The following NRXN1 variants were observed in gnomAD, a reference collection of about 807,000 sequenced individuals.
NRXN1 encodes the protein neurexin-1.
In NRXN1, 39 loss-of-function variants were observed where a neutral mutation model predicts 150.9. The ratio of observed to expected loss-of-function variants is 0.26; its 90% CI spans 0.20 to 0.34. NRXN1 has a LOEUF of 0.34. Ranked by LOEUF, NRXN1 falls within the 10% of genes least tolerant of loss-of-function variation. The probability of loss-of-function intolerance (pLI) is 1.00; values close to 1 mark genes in which losing one functional copy is unlikely to be tolerated. For missense variants in NRXN1, 1,815 were observed against 1,949.9 expected (o/e 0.93, Z 1.30); for synonymous variants, 924 against 757.0 (o/e 1.22, Z -3.62).
chr2:50,629,687 A>T (rs1404892526), intron 5 of NRXN1, among the ~76,000 whole-genome samples: 1 of 151,690 alleles, frequency 6.6e-6, no homozygotes, highest in Non-Finnish European at 1.5e-5. Context: ...TTTCTTCCTG[A>T]TTAATAAGAT....
At chr2:50,717,180 T>C (rs886894725) in intron 5 of NRXN1, among the ~76,000 whole-genome samples, 5 of 152,208 alleles carry the variant, frequency 3.3e-5, no homozygotes, top group African/African-American at 1.2e-4. Flanking sequence ...GCAATACATA[T>C]ATGTTACTTC....
rs1431822191 is a variant in NRXN1, at chr2:50,716,075, C to G, written c.833-92460G>C. 3.3e-5 allele frequency among the ~76,000 whole-genome samples: 5 copies of G among 152,200 alleles called. No homozygotes were observed. In the East Asian group the frequency reaches 9.7e-4, roughly 29 times the overall value. ...AAGCAGTAGTAAATGTGTGTGATGA[C>G]TGATATAAATGAAGTAAATGAAAAT... On this transcript the variant is annotated intron_variant, in intron 5 of 22. Transcript: ENST00000401669.
intron 17 of NRXN1, among the ~76,000 whole-genome samples, chr2:50,245,753 A>T (rs994883621): frequency 8.2e-5 from 12 of 146,348 alleles, no homozygotes; most frequent in Middle Eastern, 3.5e-3. Flanking sequence ...TGTCCAGTTT[A>T]AAAAAAAAAA....
At chr2:50,832,781 G>T (rs1251104905) in intron 5 of NRXN1, among the ~76,000 whole-genome samples, 1 of 151,976 alleles carries the variant, frequency 6.6e-6, no homozygotes, top group Non-Finnish European at 1.5e-5. Flanking sequence ...TTTTCCTCAG[G>T]GTATTAAAAA....
At position 50,394,192 on chromosome 2, in the gene NRXN1, C is replaced by A. The variant is rs75734987; in HGVS notation, c.3364+71250G>T. Among the ~76,000 whole-genome samples the A allele has an allele frequency of 7.4e-3, 1,125 of 152,088 alleles. 39 individuals are homozygous for A. In the East Asian group the frequency reaches 0.11, roughly 15 times the overall value. On this transcript the variant is annotated intron_variant, in intron 17 of 22. Coordinates refer to ENST00000401669, the MANE Select transcript of NRXN1 (RefSeq NM_001330078.2). ...CCCTTTCTGGGTAATTTCATCTTGT[C>A]CTGCGACTACAATCTATCTATATGT...
chr2:50,054,592 C>T (rs1176519340), intron 20 of NRXN1, among the ~76,000 whole-genome samples: 2 of 152,028 alleles, frequency 1.3e-5, no homozygotes, highest in Non-Finnish European at 2.9e-5. Context: ...ATCAGAACTA[C>T]ATATATTTTA....
At chr2:50,233,349 AC>A in intron 18 of NRXN1, among the ~76,000 whole-genome samples, 1 of 152,114 alleles carries the variant, frequency 6.6e-6, no homozygotes, top group South Asian at 2.1e-4. Flanking sequence ...TGACTCAAAA[AC>A]CATTTTATTC....
At position 50,115,795 on chromosome 2, in the gene NRXN1, C is replaced by G. The variant is rs139751922; in HGVS notation, c.3547-24301G>C. Among the ~76,000 whole-genome samples the G allele has an allele frequency of 2.8e-3, 424 of 152,144 alleles. 3 individuals carry two copies. Among genetic ancestry groups the G allele is most frequent in the African/African-American group, 9.7e-3 (402 of 41,538 alleles). Reference sequence around the variant, plus strand: ...TTAATATTTCTTCAACACTACTAGTCTATCTCCAATGTGAACAGAGGCAAC... The same window carrying G: ...TTAATATTTCTTCAACACTACTAGTGTATCTCCAATGTGAACAGAGGCAAC... On this transcript the variant is annotated intron_variant, in intron 18 of 22. Coordinates refer to ENST00000401669, the MANE Select transcript of NRXN1 (RefSeq NM_001330078.2).
intron 8 of NRXN1, among the ~76,000 whole-genome samples, chr2:50,571,841 G>T (rs1220123105): frequency 6.6e-6 from 1 of 152,044 alleles, no homozygotes; most frequent in Non-Finnish European, 1.5e-5. Context: ...AACAAAAAGA[G>T]GCAGCTGGGG....
chr2:50,437,580 TGAG>T (rs985985249), intron 17 of NRXN1, among the ~76,000 whole-genome samples: 1 of 152,046 alleles, frequency 6.6e-6, no homozygotes, highest in African/African-American at 2.4e-5. Flanking sequence ...TATCATGTGT[TGAG>T]GGGGTGAGGC....
intron 17 of NRXN1, among the ~76,000 whole-genome samples, chr2:50,414,564 A>G (rs879646933): frequency 2.0e-5 from 3 of 151,970 alleles, no homozygotes; most frequent in Non-Finnish European, 4.4e-5. Flanking sequence ...ATCTTTGAGT[A>G]TTGTCTATCT....
chr2:50,378,603 A>C (rs2080703566), intron 17 of NRXN1, among the ~76,000 whole-genome samples: 1 of 152,116 alleles, frequency 6.6e-6, no homozygotes, highest in African/African-American at 2.4e-5. Context: ...AAAGTTGAAA[A>C]ATCCTAAGTT....
chr2:50,814,335 T>C (rs1668632799), intron 5 of NRXN1, among the ~76,000 whole-genome samples: 1 of 152,114 alleles, frequency 6.6e-6, no homozygotes, highest in African/African-American at 2.4e-5. Context: ...TTATAAAATG[T>C]GGTTCACAAC....
intron 9 of NRXN1, among the ~76,000 whole-genome samples, chr2:50,551,615 TA>T (rs1186189568): frequency 6.6e-6 from 1 of 152,078 alleles, no homozygotes; most frequent in Non-Finnish European, 1.5e-5. Context: ...GGAGAGTAGA[TA>T]GGTCTAAATT....
intron 21 of NRXN1, among the ~76,000 whole-genome samples, chr2:50,043,392 A>C (rs1431703453): frequency 6.6e-6 from 1 of 152,190 alleles, no homozygotes; most frequent in African/African-American, 2.4e-5. Flanking sequence ...CTGTCAAGAA[A>C]CATTACCAAC....
intron 17 of NRXN1, among the ~76,000 whole-genome samples, chr2:50,273,090 A>G (rs2069921986): frequency 6.6e-6 from 1 of 152,150 alleles, no homozygotes; most frequent in Non-Finnish European, 1.5e-5. Flanking sequence ...GTAAAGAAAG[A>G]TCAATGAAAA....
At chr2:50,121,097 T>G (rs1371875021) in intron 18 of NRXN1, among the ~76,000 whole-genome samples, 1 of 152,228 alleles carries the variant, frequency 6.6e-6, no homozygotes, top group Non-Finnish European at 1.5e-5. Flanking sequence ...CGATGTCAGC[T>G]GACTGCAACC....
At chr2:50,869,384 A>T (rs1677428347) in intron 5 of NRXN1, among the ~76,000 whole-genome samples, 1 of 151,730 alleles carries the variant, frequency 6.6e-6, no homozygotes, top group Non-Finnish European at 1.5e-5. Flanking sequence ...AATTCTCAAA[A>T]TTTTTCCTTA....
At chr2:49,964,239 G>A (rs1676512076) in intron 21 of NRXN1, among the ~76,000 whole-genome samples, 1 of 152,140 alleles carries the variant, frequency 6.6e-6, no homozygotes. Flanking sequence ...AATAGTTTCT[G>A]TTTAGATTTT....
Sources: allele counts gnomAD v4.1 joint callset (sites outside exome capture counted in the v4.1 genomes callset), GRCh38; gene constraint gnomAD v4.1.1; transcripts MANE v1.5; gene names NCBI Gene and HGNC (gene_info 2026-07-23, HGNC 2026-07-21).